HPSE2: variants seen among roughly 807,000 people sequenced by gnomAD.
HPSE2 encodes heparanase 2 (inactive), also known as inactive heparanase-2.
In HPSE2, 38 loss-of-function variants were observed where a neutral mutation model predicts 60.5. That is an observed-to-expected ratio of 0.63 (90% CI 0.48 to 0.82). The LOEUF (loss-of-function observed/expected upper bound fraction) is 0.82. HPSE2 is among the 40% of genes least tolerant of loss of function. The pLI is 0.00. For synonymous variants in HPSE2, 295 were observed against 293.2 expected, an observed-to-expected ratio of 1.01 and a Z score of -0.06; for missense variants, 713 against 740.4, an observed-to-expected ratio of 0.96 and a Z score of 0.43.
At chr10:98,910,182 A>G (rs1455718382) in intron 3 of HPSE2, among the ~76,000 whole-genome samples, 1 of 151,858 alleles carries the variant, frequency 6.6e-6, no homozygotes, top group Admixed American at 6.6e-5. Context: ...AGCACAGAGG[A>G]AAGAGACTGA....
chr10:99,198,902 G>A (rs1219679326), intron 2 of HPSE2, among the ~76,000 whole-genome samples: 1 of 152,000 alleles, frequency 6.6e-6, no homozygotes, highest in Non-Finnish European at 1.5e-5. Flanking sequence ...CTATTAGTTT[G>A]ACTATCTCAA....
At chr10:99,173,963 A>C (rs2133810040) in intron 2 of HPSE2, among the ~76,000 whole-genome samples, 1 of 126,620 alleles carries the variant, frequency 7.9e-6, no homozygotes, top group East Asian at 2.3e-4. Context: ...AAAAAAAAAA[A>C]AAAAAAGAAC....
intron 7 of HPSE2, among the ~76,000 whole-genome samples, chr10:98,639,486 T>G (rs1388733965): frequency 6.6e-6 from 1 of 152,212 alleles, no homozygotes; most frequent in Non-Finnish European, 1.5e-5. Flanking sequence ...AGTTGCTTTC[T>G]GCATATAGGT....
At chr10:98,803,514 G>A (rs1270270809) in intron 3 of HPSE2, among the ~76,000 whole-genome samples, 2 of 151,950 alleles carry the variant, frequency 1.3e-5, no homozygotes, top group East Asian at 3.9e-4. Context: ...TGTAAGGAAG[G>A]GATCCAGTTT....
chr10:99,256,646 A>G, the HPSE2 span, among the ~76,000 whole-genome samples: 1 of 152,094 alleles, frequency 6.6e-6, no homozygotes, highest in African/African-American at 2.4e-5. Flanking sequence ...AAGCATTTAT[A>G]TTTGACAGGA....
chr10:99,297,550 G>T, the HPSE2 span, among the ~76,000 whole-genome samples: 1 of 152,128 alleles, frequency 6.6e-6, no homozygotes, highest in Admixed American at 6.5e-5. Flanking sequence ...CCATTGTATT[G>T]TTCCATCAGT....
the HPSE2 span, among the ~76,000 whole-genome samples, chr10:99,281,162 A>G: frequency 1.3e-5 from 2 of 150,024 alleles, no homozygotes; most frequent in Admixed American, 6.7e-5. Flanking sequence ...TTATTGTTAA[A>G]CAATAACTTA....
At chr10:98,960,425 T>C (rs1003051089) in intron 3 of HPSE2, among the ~76,000 whole-genome samples, 2 of 152,170 alleles carry the variant, frequency 1.3e-5, no homozygotes, top group Non-Finnish European at 2.9e-5. Flanking sequence ...AAATAAAGTT[T>C]ACTTTCTAAA....
Position 98,641,957 on chromosome 10 carries a change from A to G in HPSE2, c.1005-17T>C. 6.3e-7 allele frequency: 1 copy of G among 1,593,884 alleles called. No individual in the cohort carries two copies. Among genetic ancestry groups the G allele is most frequent in the Non-Finnish European group, 8.6e-7 (1 of 1,162,350 alleles). ...ATGTAGCAACTGGAATAAAAATAAA[A>G]TAAGAATCAGATAAAATCTCAAGCA... On this transcript the variant is annotated splice_polypyrimidine_tract_variant and intron_variant, in intron 6 of 11. Coordinates refer to ENST00000370552, the MANE Select transcript of HPSE2 (RefSeq NM_021828.5).
intron 3 of HPSE2, among the ~76,000 whole-genome samples, chr10:99,107,229 T>C (rs1829136029): frequency 1.3e-5 from 2 of 152,210 alleles, no homozygotes; most frequent in South Asian, 2.1e-4. Context: ...TATCCTTTTC[T>C]CTGATATTAA....
chr10:98,907,188 T>C (rs780136239), intron 3 of HPSE2, among the ~76,000 whole-genome samples: 20 of 152,326 alleles, frequency 1.3e-4, no homozygotes, highest in South Asian at 4.1e-4. Flanking sequence ...GCCTGCTTAC[T>C]TTTCCTAAAT....
intron 5 of HPSE2, among the ~76,000 whole-genome samples, chr10:98,712,435 A>G (rs952130586): frequency 2.6e-5 from 4 of 152,134 alleles, no homozygotes; most frequent in African/African-American, 9.7e-5. Context: ...TGTGTATAGG[A>G]ATACAGTAAA....
intron 3 of HPSE2, among the ~76,000 whole-genome samples, chr10:99,103,313 A>G (rs1191661983): frequency 2.6e-5 from 4 of 152,130 alleles, no homozygotes; most frequent in Non-Finnish European, 4.4e-5. Context: ...ATGTACAAAA[A>G]TCACAAGCAT....
intron 3 of HPSE2, among the ~76,000 whole-genome samples, chr10:98,959,023 G>T (rs1414791729): frequency 2.6e-5 from 4 of 152,060 alleles, no homozygotes; most frequent in Admixed American, 2.6e-4. Flanking sequence ...GTTAAGAGCA[G>T]AGATAATGTA....
intron 2 of HPSE2, among the ~76,000 whole-genome samples, chr10:99,210,755 T>C (rs1317832024): frequency 6.6e-6 from 1 of 152,096 alleles, no homozygotes; most frequent in Non-Finnish European, 1.5e-5. Flanking sequence ...AAATTAAGTA[T>C]AGAAGGAATG....
At chr10:99,313,846 G>T in the HPSE2 span, among the ~76,000 whole-genome samples, 2 of 151,386 alleles carry the variant, frequency 1.3e-5, no homozygotes, top group Non-Finnish European at 2.9e-5. Flanking sequence ...ATAATCTGCC[G>T]GCCTCGACCT....
intron 2 of HPSE2, among the ~76,000 whole-genome samples, chr10:99,228,245 G>T (rs2862532): frequency 6.6e-6 from 1 of 152,058 alleles, no homozygotes; most frequent in Admixed American, 6.6e-5. Flanking sequence ...ACAGGGTAGT[G>T]AAAGTAAGCT....
chr10:98,706,453 A>G (rs767839001), intron 5 of HPSE2, among the ~76,000 whole-genome samples: 6 of 152,178 alleles, frequency 3.9e-5, no homozygotes, highest in Non-Finnish European at 5.9e-5. Context: ...GACAACCACA[A>G]TGAAGCCCAG....
the HPSE2 span, among the ~76,000 whole-genome samples, chr10:99,258,270 A>T: frequency 6.6e-6 from 1 of 152,204 alleles, no homozygotes; most frequent in Admixed American, 6.5e-5. Context: ...CAGGAATTTT[A>T]AAACACCTGG....
Sources: gnomAD v4.1 joint callset for allele counts (sites outside exome capture counted in the v4.1 genomes callset) on GRCh38, gnomAD v4.1.1 for gene constraint, MANE v1.5 for transcripts, NCBI Gene and HGNC (gene_info 2026-07-23, HGNC 2026-07-21) for gene names.